UGGT1: variants seen among roughly 807,000 people sequenced by gnomAD.
UGGT1 encodes UDP-glucose:glycoprotein glucosyltransferase 1.
UGGT1 carries 107 observed loss-of-function variants against 203.9 expected under a neutral mutation model. The ratio of observed to expected loss-of-function variants is 0.52; its 90% CI spans 0.45 to 0.62. The LOEUF (loss-of-function observed/expected upper bound fraction) is 0.62, where lower values mean the gene tolerates loss of function less well. Among genes scored for constraint, UGGT1 ranks in the 20% least tolerant of loss-of-function variants. UGGT1 has a pLI of 0.00. For synonymous variants in UGGT1, 628 were observed against 653.5 expected, an observed-to-expected ratio of 0.96 and a Z score of 0.59; for missense variants, 1,673 against 1,867.2, an observed-to-expected ratio of 0.90 and a Z score of 1.92.
intron 2 of UGGT1, among the ~76,000 whole-genome samples, chr2:128,099,384 T>C (rs1173291812): frequency 6.6e-6 from 1 of 152,208 alleles, no homozygotes; most frequent in Non-Finnish European, 1.5e-5. Flanking sequence ...GCTCAAGTGA[T>C]CTACCTGCCT....
chr2:128,162,383 T>C (rs1214040776), intron 25 of UGGT1, among the ~76,000 whole-genome samples: 9 of 152,048 alleles, frequency 5.9e-5, no homozygotes, highest in Non-Finnish European at 1.5e-5. Flanking sequence ...GAGGTTGCAA[T>C]GAGCTGAGAT....
rs1458231232 is a variant in UGGT1 at position 128,112,462 on chromosome 2, A to ATATATATATATATATATG, written c.522-611_522-610insATATATGTATATATATAT. Reference sequence around the variant, plus strand: ...CCCCAAAAAATACTATGTTATATATATATATATATATTACATACATACATA... The same window carrying ATATATATATATATATATG: ...CCCCAAAAAATACTATGTTATATATATATATATATATATATATGTATATATATATTACATACATACATA... On this transcript the variant is annotated intron_variant, in intron 5 of 40. Coordinates refer to ENST00000259253, the MANE Select transcript of UGGT1 (RefSeq NM_020120.4). Among the ~76,000 whole-genome samples the ATATATATATATATATATG allele has an allele frequency of 8.3e-5, 10 of 120,338 alleles. 1 individual carries two copies. The highest frequency in any genetic ancestry group is 1.4e-4 in the African/African-American group (5 of 35,566). 78.9% of individuals were successfully genotyped at this position (120,338 alleles called of 152,430 possible).
chr2:128,134,876 GT>G lies in UGGT1; in HGVS notation c.1502del (p.Phe501SerfsTer2). The part of the protein sequence containing the change: ...RQIRKNLHNM[V>X]FIVDPAHETT... ...GTGTTCTTTTCCCTTTCTTCAACAG[GT>G]TTTCATAGTTGATCCTGCACATGAG... On this transcript the variant is annotated frameshift_variant and splice_region_variant, in exon 15 of 41. Transcript: ENST00000259253. LOFTEE classifies it high-confidence loss of function. 6.2e-7 allele frequency: 1 copy of G among 1,613,338 alleles called. No individual in the cohort carries two copies. Among genetic ancestry groups the G allele is most frequent in the Non-Finnish European group, 8.5e-7 (1 of 1,179,634 alleles).
At chr2:128,138,125 C>T (rs774845578) in intron 15 of UGGT1, among the ~76,000 whole-genome samples, 4 of 152,042 alleles carry the variant, frequency 2.6e-5, no homozygotes, top group African/African-American at 7.2e-5. Context: ...ACTATAGCAA[C>T]GCTCTTCATG....
intron 3 of UGGT1, 37 bp from the exon 4 acceptor site, chr2:128,107,901 A>G (rs779591973): frequency 1.2e-6 from 2 of 1,613,260 alleles, no homozygotes; most frequent in Non-Finnish European, 8.5e-7. Flanking sequence ...ATCTCTAGTC[A>G]TACGCAATTA....
chr2:128,168,563 T>G (rs1449443701), intron 26 of UGGT1, among the ~76,000 whole-genome samples: 1 of 152,236 alleles, frequency 6.6e-6, no homozygotes, highest in African/African-American at 2.4e-5. Context: ...AACCACATTA[T>G]AGTATTGTTC....
chr2:128,133,223 G>A lies in UGGT1; in HGVS notation c.1460G>A (p.Gly487Asp). 6.2e-7 allele frequency: 1 copy of A among 1,613,958 alleles called. No homozygotes were observed. The highest frequency in any genetic ancestry group is 8.5e-7 in the Non-Finnish European group (1 of 1,179,928). The change falls in exon 14 of 41, where the codon GGT becomes GAT. Residue 487 changes from glycine (G) to aspartate (D), a missense_variant. This residue lies in a region of UGGT1 where 1,073 missense variants were observed against 1,078.7 expected (regional missense o/e 0.99). Transcript: ENST00000259253. ...GAGTTGCTTCGACCCACCTTTCCTGGTGTTATTCGGCAGATCAGGAAAAAC... is the reference window on the plus strand; with the variant it reads ...GAGTTGCTTCGACCCACCTTTCCTGATGTTATTCGGCAGATCAGGAAAAAC... ...LQELLRPTFPGVIRQIRKNLH... is the reference protein window; with the variant it reads ...LQELLRPTFPDVIRQIRKNLH...
intron 19 of UGGT1, among the ~76,000 whole-genome samples, chr2:128,155,078 T>G (rs1307992690): frequency 6.6e-6 from 1 of 152,218 alleles, no homozygotes; most frequent in Non-Finnish European, 1.5e-5. Context: ...AAAAATCAGT[T>G]TTCTTACGTA....
chr2:128,168,861 A>G (rs1690932155), intron 26 of UGGT1, among the ~76,000 whole-genome samples: 2 of 151,974 alleles, frequency 1.3e-5, no homozygotes, highest in African/African-American at 2.4e-5. Context: ...AGCCTGGCCA[A>G]CATGGCAAAA....
Position 128,145,885 on chromosome 2 carries a change from A to T in UGGT1, c.1934A>T (p.Gln645Leu). 1 of 1,614,152 alleles carries T rather than the reference A, an allele frequency of 6.2e-7. No individual in the cohort carries two copies. Among genetic ancestry groups the T allele is most frequent in the South Asian group, 1.1e-5 (1 of 91,072 alleles). ...LFNGMPFERE[Q>L]LDPDELETIT... ...AATGGAATGCCCTTTGAAAGGGAAC[A>T]GCTAGACCCTGATGAGTTAGAAACC... The change falls in exon 18 of 41, where the codon CAG becomes CTG. Residue 645 changes from glutamine to leucine, a missense_variant. By Grantham distance (113) the Gln-to-Leu change is moderately radical. Coordinates refer to ENST00000259253, the MANE Select transcript of UGGT1 (RefSeq NM_020120.4).
intron 19 of UGGT1, among the ~76,000 whole-genome samples, chr2:128,153,942 G>A (rs769963149): frequency 2.0e-5 from 3 of 152,114 alleles, no homozygotes; most frequent in Admixed American, 6.5e-5. Context: ...GCTATTTATT[G>A]TTATAGTTGA....
At chr2:128,098,780 T>C (rs1455050400) in intron 2 of UGGT1, among the ~76,000 whole-genome samples, 1 of 152,060 alleles carries the variant, frequency 6.6e-6, no homozygotes, top group East Asian at 1.9e-4. Context: ...GAAGTTATCT[T>C]ACGATTAAAA....
At chr2:128,106,480 A>T (rs1687610262) in intron 3 of UGGT1, among the ~76,000 whole-genome samples, 1 of 152,182 alleles carries the variant, frequency 6.6e-6, no homozygotes, top group Non-Finnish European at 1.5e-5. Flanking sequence ...TACGTAGAGG[A>T]TGCTGTTGCA....
In UGGT1 at chr2:128,176,866, A is replaced by G; in HGVS notation, c.3592A>G (p.Asn1198Asp). 2.5e-6 allele frequency: 4 copies of G among 1,614,136 alleles called. No individual in the cohort carries two copies. Among genetic ancestry groups the G allele is most frequent in the Non-Finnish European group, 3.4e-6 (4 of 1,180,002 alleles). The stretch of plus-strand genomic sequence containing the variant: ...TGCTGATGAGGTGGTTATCGTCCTC[A>G]ACAACTTCAAAAGCAAAATTATTAA... ...PDADEVVIVL[N>D]NFKSKIIKVK... The change falls in exon 32 of 41, where the codon AAC becomes GAC. Residue 1198 changes from asparagine (N) to aspartate (D), a missense_variant. By Grantham distance (23) the Asn-to-Asp change is conservative (BLOSUM62 1). This residue lies in a region of UGGT1 where 513 missense variants were observed against 684.1 expected (regional missense o/e 0.75). Transcript: ENST00000259253.
intron 19 of UGGT1, 81 bp from the exon 20 acceptor site, chr2:128,155,408 T>C: frequency 3.9e-6 from 4 of 1,033,582 alleles, no homozygotes; most frequent in Non-Finnish European, 5.8e-6. Context: ...TCTTATATTA[T>C]GATCAAGTCA....
At chr2:128,186,904 T>C in intron 39 of UGGT1, 105 bp downstream of exon 39, 1 of 872,328 alleles carries the variant, frequency 1.1e-6, no homozygotes, top group Non-Finnish European at 1.8e-6. Context: ...ATTTCCTAGA[T>C]TCTTATTTAG....
At chr2:128,158,647 T>C (rs1013554944) in intron 22 of UGGT1, among the ~76,000 whole-genome samples, 3 of 152,254 alleles carry the variant, frequency 2.0e-5, no homozygotes, top group African/African-American at 7.2e-5. Context: ...GGTGCTATTA[T>C]AAGACTGCTG....
chr2:128,185,577 G>A (rs1473270614), intron 38 of UGGT1, among the ~76,000 whole-genome samples: 2 of 148,300 alleles, frequency 1.3e-5, no homozygotes, highest in African/African-American at 2.5e-5. Context: ...AGGCTCAGGC[G>A]ATCCTCCCAC....
At position 128,159,644 on chromosome 2, in the gene UGGT1, T is replaced by G. The variant is rs773298156; in HGVS notation, c.2486T>G (p.Phe829Cys). 2 of 1,614,076 alleles carry G rather than the reference T, an allele frequency of 1.2e-6. No individual in the cohort carries two copies. Among genetic ancestry groups the G allele is most frequent in the Non-Finnish European group, 1.7e-6 (2 of 1,179,998 alleles). The change falls in exon 23 of 41, where the codon TTC becomes TGC. Residue 829 changes from phenylalanine to cysteine, a missense_variant. By Grantham distance (205) the Phe-to-Cys change is radical. Around this residue, in one of 4 missense-constraint regions of UGGT1, gnomAD observed 1,073 missense variants for 1,078.7 expected, o/e 0.99. Transcript: ENST00000259253. ...QTQTSNAAKN[F>C]ITKMAKEGAA... ...CAGACTTCCAACGCTGCTAAGAACT[T>G]CATCACCAAAATGGCCAAGGAGGGG...
Sources: allele counts gnomAD v4.1 joint callset (sites outside exome capture counted in the v4.1 genomes callset), GRCh38; gene constraint gnomAD v4.1.1; regional missense constraint gnomAD v4.1.1; transcripts MANE v1.5; gene names NCBI Gene and HGNC (gene_info 2026-07-23, HGNC 2026-07-21).